NCAM1: variants seen among roughly 807,000 people sequenced by gnomAD.
NCAM1 encodes antigen recognized by monoclonal antibody 5.1H11.
In NCAM1, 14 loss-of-function variants were observed where a neutral mutation model predicts 109.8. The ratio of observed to expected loss-of-function variants is 0.13; its 90% CI spans 0.08 to 0.20. The LOEUF is 0.20. Among genes scored for constraint, NCAM1 ranks in the 10% least tolerant of loss-of-function variants. The pLI is 1.00. For synonymous variants in NCAM1, 418 were observed against 442.9 expected (o/e 0.94, Z 0.70); for missense variants, 774 against 1,109.9 (o/e 0.70, Z 4.30).
intron 1 of NCAM1, among the ~76,000 whole-genome samples, chr11:113,143,227 A>C (rs1226833034): frequency 3.3e-5 from 5 of 152,220 alleles, no homozygotes; most frequent in Admixed American, 1.3e-4. Context: ...CATACATTGC[A>C]TTTGGCTTTT....
At chr11:113,153,045 AAT>A (rs1491252392) in intron 1 of NCAM1, among the ~76,000 whole-genome samples, 1 of 117,934 alleles carries the variant, frequency 8.5e-6, no homozygotes, top group African/African-American at 3.0e-5. Flanking sequence ...CAATGTCTAT[AAT>A]TTTTTTTTTT....
chr11:113,247,334 AGC>A (rs1555120438), intron 15 of NCAM1, among the ~76,000 whole-genome samples: 1 of 152,174 alleles, frequency 6.6e-6, no homozygotes, highest in African/African-American at 2.4e-5. Context: ...GGATCACGAA[AGC>A]AAAACTAACT....
chr11:113,258,717 A>G (rs186936953), intron 16 of NCAM1, among the ~76,000 whole-genome samples: 2 of 152,258 alleles, frequency 1.3e-5, no homozygotes, highest in Admixed American at 6.5e-5. Flanking sequence ...CTTGATCTTT[A>G]CAAATTAAGT....
At chr11:113,237,023 G>T (rs782552191) in intron 14 of NCAM1, among the ~76,000 whole-genome samples, 2 of 152,182 alleles carry the variant, frequency 1.3e-5, no homozygotes, top group African/African-American at 4.8e-5. Context: ...CCTCGTTTGG[G>T]GAAGACTAAC....
At chr11:113,035,732 A>T (rs1952855532) in intron 1 of NCAM1, among the ~76,000 whole-genome samples, 1 of 152,156 alleles carries the variant, frequency 6.6e-6, no homozygotes, top group Non-Finnish European at 1.5e-5. Flanking sequence ...TTTATTAAGT[A>T]TGTTTGGTCC....
intron 19 of NCAM1, among the ~76,000 whole-genome samples, chr11:113,272,310 G>A (rs750515701): frequency 4.6e-5 from 7 of 152,048 alleles, no homozygotes; most frequent in African/African-American, 7.2e-5. Context: ...CAGAAACCTC[G>A]GGGACCCACG....
intron 9 of NCAM1, among the ~76,000 whole-genome samples, chr11:113,223,428 T>C (rs1944741974): frequency 6.6e-6 from 1 of 152,036 alleles, no homozygotes; most frequent in African/African-American, 2.4e-5. Flanking sequence ...CATGGAGAAA[T>C]TTCCTGAAAG....
intron 1 of NCAM1, among the ~76,000 whole-genome samples, chr11:113,188,949 G>A (rs1297236411): frequency 6.6e-6 from 1 of 152,096 alleles, no homozygotes; most frequent in Non-Finnish European, 1.5e-5. Context: ...CGTGGTCACT[G>A]TAAACTTCCA....
intron 1 of NCAM1, among the ~76,000 whole-genome samples, chr11:113,120,514 C>A (rs1459621493): frequency 6.6e-6 from 1 of 152,156 alleles, no homozygotes; most frequent in Non-Finnish European, 1.5e-5. Flanking sequence ...ATACCACAGG[C>A]CCCTCACAGT....
At chr11:113,013,700 C>T (rs1489969473) in intron 1 of NCAM1, among the ~76,000 whole-genome samples, 2 of 152,222 alleles carry the variant, frequency 1.3e-5, no homozygotes, top group South Asian at 4.2e-4. Context: ...TTACCTCAAA[C>T]AATAGACTAT....
At chr11:112,966,320 G>A (rs1364411006) in intron 1 of NCAM1, among the ~76,000 whole-genome samples, 3 of 152,116 alleles carry the variant, frequency 2.0e-5, no homozygotes, top group Non-Finnish European at 4.4e-5. Flanking sequence ...AGTAAAATTC[G>A]AAGAAGAAAA....
intron 17 of NCAM1, among the ~76,000 whole-genome samples, chr11:113,265,530 C>T (rs1555124284): frequency 1.3e-5 from 2 of 152,166 alleles, no homozygotes; most frequent in African/African-American, 4.8e-5. Context: ...GACACAGCAG[C>T]CTTTATACTA....
chr11:113,240,760 C>A (rs782738695), intron 14 of NCAM1: 2 of 1,609,836 alleles, frequency 1.2e-6, no homozygotes, highest in African/African-American at 2.7e-5. Flanking sequence ...GATCTTTTTT[C>A]CCCACCTTCA....
chr11:112,973,947 TA>T (rs1436752051), intron 1 of NCAM1, among the ~76,000 whole-genome samples: 7 of 152,080 alleles, frequency 4.6e-5, no homozygotes, highest in African/African-American at 1.4e-4. Context: ...AAGTAATAGT[TA>T]AAAAATTAAA....
chr11:113,127,776 G>A (rs1555097421), intron 1 of NCAM1, among the ~76,000 whole-genome samples: 1 of 152,170 alleles, frequency 6.6e-6, no homozygotes, highest in South Asian at 2.1e-4. Context: ...CTTCCTACAA[G>A]AGACAGAAAT....
chr11:113,216,275 G>A (rs1236683453), intron 8 of NCAM1, among the ~76,000 whole-genome samples: 2 of 146,948 alleles, frequency 1.4e-5, no homozygotes, highest in African/African-American at 2.5e-5. Context: ...TCAGCCTCCC[G>A]AGTAGCTGGG....
intron 14 of NCAM1, among the ~76,000 whole-genome samples, chr11:113,236,846 T>G (rs1004646008): frequency 1.1e-4 from 16 of 152,188 alleles, no homozygotes; most frequent in Non-Finnish European, 2.1e-4. Context: ...TGGAGGGGAA[T>G]AGGAGGACTG....
chr11:113,260,393 G>A lies in NCAM1; in HGVS notation c.2131+70G>A, dbSNP rs546867343. The A allele has an allele frequency of 3.1e-5, 47 of 1,497,842 alleles. 1 individual carries two copies. Among genetic ancestry groups the A allele is most frequent in the South Asian group, 2.3e-4 (18 of 77,450 alleles). The allele number at this position is 1,497,842 out of a possible 1,614,324, so 92.8% of individuals were successfully genotyped here. Reference sequence around the variant, plus strand: ...GCACAAGTGCTGCACCTCCTAATGCGCCTGAACAACCCTGACAACTTGCTT... The same window carrying A: ...GCACAAGTGCTGCACCTCCTAATGCACCTGAACAACCCTGACAACTTGCTT... On this transcript the variant is annotated intron_variant, in intron 17 of 19. Coordinates refer to ENST00000316851, the MANE Select transcript of NCAM1 (RefSeq NM_181351.5).
At chr11:113,191,011 A>G (rs1943659624) in intron 1 of NCAM1, among the ~76,000 whole-genome samples, 1 of 152,250 alleles carries the variant, frequency 6.6e-6, no homozygotes, top group South Asian at 2.1e-4. Flanking sequence ...GGATCATCAA[A>G]GGATAATTTT....
Sources: allele counts gnomAD v4.1 joint callset (sites outside exome capture counted in the v4.1 genomes callset), GRCh38; gene constraint gnomAD v4.1.1; transcripts MANE v1.5; gene names NCBI Gene and HGNC (gene_info 2026-07-23, HGNC 2026-07-21).